Variants in CLCA1 observed in about 807,000 individuals in gnomAD.
The protein encoded by CLCA1 is chloride channel accessory 1.
Under a neutral mutation model 85.6 loss-of-function variants are expected in CLCA1, and 59 were observed. The observed-to-expected ratio is 0.69, with a 90% CI of 0.56 to 0.86. The LOEUF (loss-of-function observed/expected upper bound fraction) is 0.86. CLCA1 is among the 40% of genes least tolerant of loss of function. CLCA1 has a pLI of 0.00. For missense variants in CLCA1, 1,022 were observed against 1,101.4 expected, an observed-to-expected ratio of 0.93 and a Z score of 1.02; for synonymous variants, 396 against 398.3, an observed-to-expected ratio of 0.99 and a Z score of 0.07.
intron 11 of CLCA1, 46 bp from the exon 12 acceptor site, chr1:86,495,459 T>C (rs927943279): frequency 6.7e-7 from 1 of 1,484,902 alleles, no homozygotes; most frequent in African/African-American, 1.4e-5. Context: ...AATATACAAA[T>C]ACCCTCCCCG....
rs1648127433 is a variant in CLCA1, at chr1:86,491,279, T to C, written c.1372T>C (p.Tyr458His). The C allele has an allele frequency of 6.2e-7, 1 of 1,612,778 alleles. No individual in the cohort carries two copies. Among genetic ancestry groups the C allele is most frequent in the East Asian group, 2.2e-5 (1 of 44,860 alleles). Residue 458 changes from tyrosine to histidine, a missense_variant, in exon 9 of 14, where the codon TAT becomes CAT. By Grantham distance (83) the Tyr-to-His change is moderately conservative (BLOSUM62 2). Coordinates refer to ENST00000394711, the MANE Select transcript of CLCA1 (RefSeq NM_001285.4). ...LSKMTGGLQT[Y>H]ASDQVQNNGL... ...TTGCATTTTAGGAGGTTTACAGACA[T>C]ATGCTTCAGATCAAGTTCAGAACAA...
chr1:86,487,368 G>A (rs1008054494), intron 7 of CLCA1, among the ~76,000 whole-genome samples: 4 of 152,202 alleles, frequency 2.6e-5, no homozygotes, highest in Admixed American at 6.5e-5. Context: ...GCCAGATGGC[G>A]TGGTGGTGAA....
intron 3 of CLCA1, among the ~76,000 whole-genome samples, chr1:86,474,999 G>A (rs945338593): frequency 2.0e-5 from 3 of 151,966 alleles, no homozygotes; most frequent in African/African-American, 7.3e-5. Flanking sequence ...ACACTAGAGC[G>A]CTTAAAGACC....
rs537851323 is a variant in CLCA1 at position 86,480,470 on chromosome 1, A to G, written c.558-1735A>G. Among the ~76,000 whole-genome samples the G allele has an allele frequency of 5.4e-4, 82 of 152,218 alleles. 2 individuals are homozygous for G. In the South Asian group the frequency reaches 0.016, roughly 30 times the overall value. On this transcript the variant is annotated intron_variant, in intron 4 of 13. Coordinates refer to ENST00000394711, the MANE Select transcript of CLCA1 (RefSeq NM_001285.4). ...AAACCCCTTCTCTACAAAAAATACA[A>G]AAATTGGCCTGGCATGGTGGCACAT...
rs2734705 is a variant in CLCA1 at position 86,486,641 on chromosome 1, A to G, written c.1070A>G (p.Asn357Ser). The G allele has an allele frequency of 0.84, 1,362,310 of 1,614,100 alleles. 575,959 individuals are homozygous for G. The highest frequency in any genetic ancestry group is 0.94 in the African/African-American group (70,265 of 75,044). The change falls in exon 7 of 14, where the codon AAT becomes AGT. Residue 357 changes from asparagine to serine, a missense_variant. Transcript: ENST00000394711. ...TTTGACAGTGCTGCCCATGTACAAA[A>G]TGAACTCATACAGATAAACAGTGGC... is the stretch of plus-strand genomic sequence containing the variant. The part of the protein sequence containing the change: ...VTFDSAAHVQ[N>S]ELIQINSGSD...
chr1:86,495,720 G>A (rs1448411134), intron 12 of CLCA1, 45 bp downstream of exon 12: 1 of 1,535,902 alleles, frequency 6.5e-7, no homozygotes, highest in South Asian at 1.2e-5. Context: ...AAAAGCATTG[G>A]TTTCAAGAGG....
rs148710894 is a variant in CLCA1, at chr1:86,482,342, C to T, written c.695C>T (p.Thr232Met). The change falls in exon 5 of 14, where the codon ACG becomes ATG. Residue 232 changes from threonine to methionine, a missense_variant. Thr to Met is a moderately conservative substitution (Grantham distance 81). Coordinates refer to ENST00000394711, the MANE Select transcript of CLCA1 (RefSeq NM_001285.4). ...GAGTTTGTTCTCCAATCCCGCCAGA[C>T]GGAGAAGGCTTCTATAATGTTTGCA... is the stretch of plus-strand genomic sequence containing the variant. Reference protein sequence around the residue: ...GCEFVLQSRQTEKASIMFAQH... With the variant: ...GCEFVLQSRQMEKASIMFAQH... 3.7e-5 allele frequency: 59 copies of T among 1,613,964 alleles called. No homozygotes were observed. Among genetic ancestry groups the T allele is most frequent in the Non-Finnish European group, 4.5e-5 (53 of 1,179,970 alleles).
At position 86,498,358 on chromosome 1, in the gene CLCA1, TA is replaced by T. The variant is rs369114676; in HGVS notation, c.2114-206del. 3.5e-3 allele frequency among the ~76,000 whole-genome samples: 526 copies of T among 152,048 alleles called. 5 individuals carry two copies. Among genetic ancestry groups the T allele is most frequent in the African/African-American group, 0.012 (497 of 41,462 alleles). On this transcript the variant is annotated intron_variant, in intron 12 of 13. Coordinates refer to ENST00000394711, the MANE Select transcript of CLCA1 (RefSeq NM_001285.4). ...AAATATCCAGGAAATATCTAAGAGA[TA>T]AAAAAAAGAAACTGTGATTCTCTGT...
At chr1:86,475,582 A>C (rs1647618120) in intron 3 of CLCA1, among the ~76,000 whole-genome samples, 1 of 152,176 alleles carries the variant, frequency 6.6e-6, no homozygotes, top group Non-Finnish European at 1.5e-5. Flanking sequence ...GTGAAATGCA[A>C]ACGCGGAGTA....
At chr1:86,469,424 T>C (rs1336761116) in intron 1 of CLCA1, among the ~76,000 whole-genome samples, 2 of 152,220 alleles carry the variant, frequency 1.3e-5, no homozygotes, top group Non-Finnish European at 2.9e-5. Flanking sequence ...TATTTAGTTC[T>C]ATAGTAAGGC....
chr1:86,499,436 C>T (rs754714629), intron 13 of CLCA1, among the ~76,000 whole-genome samples: 2 of 152,208 alleles, frequency 1.3e-5, no homozygotes, highest in South Asian at 2.1e-4. Context: ...TCCAGTTTTA[C>T]GCTTATCACT....
At chr1:86,477,974 A>G (rs1015408849) in intron 4 of CLCA1, among the ~76,000 whole-genome samples, 4 of 152,014 alleles carry the variant, frequency 2.6e-5, no homozygotes, top group Admixed American at 1.3e-4. Flanking sequence ...ACCTAGTACA[A>G]TTTTTTCAAA....
chr1:86,481,288 C>G (rs760685313), intron 4 of CLCA1, among the ~76,000 whole-genome samples: 1 of 151,918 alleles, frequency 6.6e-6, no homozygotes, highest in African/African-American at 2.4e-5. Flanking sequence ...AGGTGCGCAA[C>G]ACCATGCCCA....
intron 11 of CLCA1, 134 bp from the exon 12 acceptor site, chr1:86,495,371 C>A: frequency 1.5e-6 from 1 of 681,138 alleles, no homozygotes; most frequent in Middle Eastern, 4.2e-4. Context: ...CCTCAACACA[C>A]CAAAATCTTA....
rs1276507238 is a variant in CLCA1 at position 86,485,424 on chromosome 1, T to C, written c.817T>C (p.Trp273Arg). The change falls in exon 6 of 14, where the codon TGG (tryptophan) becomes CGG (arginine). Residue 273 changes from tryptophan to arginine, a missense_variant. Physicochemically the swap from Trp to Arg is moderately radical, Grantham distance 101. Transcript: ENST00000394711. ...QNQKCNLRSTWEVIRDSEDFK... is the reference protein window; with the variant it reads ...QNQKCNLRSTREVIRDSEDFK... ...TCAAAAATGCAATCTCCGAAGCACATGGGAAGTGATCCGTGATTCTGAGGA... is the reference window on the plus strand; with the variant it reads ...TCAAAAATGCAATCTCCGAAGCACACGGGAAGTGATCCGTGATTCTGAGGA... 1.2e-6 allele frequency: 2 copies of C among 1,614,030 alleles called. No individual in the cohort carries two copies. The highest frequency in any genetic ancestry group is 1.3e-5 in the African/African-American group (1 of 74,918).
chr1:86,482,955 T>C (rs1243534034), intron 5 of CLCA1, among the ~76,000 whole-genome samples: 1 of 152,202 alleles, frequency 6.6e-6, no homozygotes, highest in Non-Finnish European at 1.5e-5. Context: ...GCTAAATATA[T>C]AAATCAGAAA....
At chr1:86,486,486 A>G in intron 6 of CLCA1, 40 bp from the exon 7 acceptor site, 1 of 1,583,098 alleles carries the variant, frequency 6.3e-7, no homozygotes. Context: ...TAGTCTTTCC[A>G]TCTAAACGTA....
intron 11 of CLCA1, among the ~76,000 whole-genome samples, 189 bp downstream of exon 11, chr1:86,494,637 T>G (rs2101747006): frequency 6.6e-6 from 1 of 152,322 alleles, no homozygotes; most frequent in Middle Eastern, 3.4e-3. Context: ...TGAGGGCTTC[T>G]GCAAGGCCCA....
At chr1:86,479,006 T>C (rs1427906521) in intron 4 of CLCA1, among the ~76,000 whole-genome samples, 1 of 152,208 alleles carries the variant, frequency 6.6e-6, no homozygotes, top group Non-Finnish European at 1.5e-5. Context: ...ATAGCCACTA[T>C]TATCACAATT....
Sources: allele counts gnomAD v4.1 joint callset (sites outside exome capture counted in the v4.1 genomes callset), GRCh38; gene constraint gnomAD v4.1.1; transcripts MANE v1.5; gene names NCBI Gene and HGNC (gene_info 2026-07-23, HGNC 2026-07-21).